The following TUSC3 variants were observed in gnomAD, a reference collection of about 807,000 sequenced individuals.
The protein encoded by TUSC3 is tumor suppressor candidate 3, also known as dolichyl-diphosphooligosaccharide--protein glycosyltransferase subunit TUSC3.
TUSC3 carries 45 observed loss-of-function variants against 44.8 expected under a neutral mutation model. The observed-to-expected ratio is 1.00, with a 90% CI of 0.79 to 1.29. The LOEUF (loss-of-function observed/expected upper bound fraction) is 1.29. TUSC3 is among the 50% of genes most tolerant of loss of function. The probability of loss-of-function intolerance (pLI) is 0.00; values close to 1 mark genes in which losing one functional copy is unlikely to be tolerated. For missense variants in TUSC3, 519 were observed against 437.9 expected (o/e 1.19, Z -1.65); for synonymous variants, 212 against 152.9 (o/e 1.39, Z -2.85).
chr8:15,539,744 T>C (rs895489785), upstream of TUSC3, among the ~76,000 whole-genome samples: 4 of 152,150 alleles, frequency 2.6e-5, no homozygotes, highest in Non-Finnish European at 1.5e-5. Context: ...TCTGTACTTA[T>C]GCACTCCATG....
At chr8:15,422,576 A>T (rs7827410) in intron 1 of TUSC3, among the ~76,000 whole-genome samples, 1 of 151,982 alleles carries the variant, frequency 6.6e-6, no homozygotes, top group African/African-American at 2.4e-5. Context: ...GGTAGATTTT[A>T]ACTGCCTTCA....
chr8:15,533,276 C>G (rs1801475421), intron 2 of TUSC3, among the ~76,000 whole-genome samples: 1 of 152,136 alleles, frequency 6.6e-6, no homozygotes, highest in Non-Finnish European at 1.5e-5. Context: ...TTATCAGCAG[C>G]ATGAAAATTG....
chr8:15,783,859 A>T, the TUSC3 span, among the ~76,000 whole-genome samples: 33 of 152,308 alleles, frequency 2.2e-4, no homozygotes, highest in African/African-American at 7.7e-4. Flanking sequence ...TGCAAATGGG[A>T]TTACGTGAAA....
intron 1 of TUSC3, among the ~76,000 whole-genome samples, chr8:15,478,343 G>T (rs1373084031): frequency 1.3e-5 from 2 of 152,072 alleles, no homozygotes; most frequent in African/African-American, 4.8e-5. Flanking sequence ...GTATACGTGT[G>T]CCATGGTAGT....
At chr8:15,641,061 A>G (rs947744451) in intron 2 of TUSC3, among the ~76,000 whole-genome samples, 1 of 152,126 alleles carries the variant, frequency 6.6e-6, no homozygotes, top group Non-Finnish European at 1.5e-5. Context: ...CTCTGTAGCT[A>G]TAGAAAAGCT....
At chr8:15,605,174 A>C (rs1010721899) in intron 1 of TUSC3, among the ~76,000 whole-genome samples, 1 of 151,922 alleles carries the variant, frequency 6.6e-6, no homozygotes, top group Non-Finnish European at 1.5e-5. Flanking sequence ...AAAGAGTAGA[A>C]TCAATCAATA....
intron 1 of TUSC3, among the ~76,000 whole-genome samples, chr8:15,572,804 G>C (rs1357669936): frequency 6.6e-6 from 1 of 152,110 alleles, no homozygotes; most frequent in Non-Finnish European, 1.5e-5. Flanking sequence ...GGGAATGGGT[G>C]GTTGGTGGAG....
At chr8:15,469,261 A>T (rs1486779166) in intron 1 of TUSC3, among the ~76,000 whole-genome samples, 1 of 152,236 alleles carries the variant, frequency 6.6e-6, no homozygotes. Flanking sequence ...CAAAAGACAC[A>T]TCTGATAAAG....
At chr8:15,693,109 A>G (rs56137335) in intron 6 of TUSC3, among the ~76,000 whole-genome samples, 19,528 of 151,984 alleles carry the variant, frequency 0.13, 1,451 homozygotes, top group East Asian at 0.21. Context: ...TCTTTATGCA[A>G]CTTGCTTCTT....
the TUSC3 span, among the ~76,000 whole-genome samples, chr8:15,795,903 G>A: frequency 6.6e-6 from 1 of 152,290 alleles, no homozygotes; most frequent in East Asian, 1.9e-4. Flanking sequence ...CCCCCAGAAT[G>A]CCACAGGGTC....
At chr8:15,618,379 T>C (rs1805090017) in intron 1 of TUSC3, among the ~76,000 whole-genome samples, 2 of 152,222 alleles carry the variant, frequency 1.3e-5, no homozygotes, top group South Asian at 4.1e-4. Context: ...AAAAATATTT[T>C]CTTTATATCC....
chr8:15,791,018 G>T, the TUSC3 span, among the ~76,000 whole-genome samples: 1 of 152,220 alleles, frequency 6.6e-6, no homozygotes, highest in Non-Finnish European at 1.5e-5. Context: ...GTATAGAAGA[G>T]ATTGCAGTAC....
At chr8:15,568,798 T>C (rs767466892) in intron 1 of TUSC3, among the ~76,000 whole-genome samples, 2 of 152,122 alleles carry the variant, frequency 1.3e-5, no homozygotes, top group Non-Finnish European at 2.9e-5. Context: ...TAAATTCTTA[T>C]TGGTATATTT....
At chr8:15,492,088 G>A (rs1002165036) in intron 2 of TUSC3, among the ~76,000 whole-genome samples, 2 of 152,018 alleles carry the variant, frequency 1.3e-5, no homozygotes, top group Admixed American at 1.3e-4. Flanking sequence ...TGACTTATTT[G>A]TAAACCATTT....
the TUSC3 span, among the ~76,000 whole-genome samples, chr8:15,783,796 G>C: frequency 1.3e-5 from 2 of 152,118 alleles, no homozygotes; most frequent in Non-Finnish European, 2.9e-5. Flanking sequence ...ATTGGTCTGG[G>C]CAGTAATTTC....
the TUSC3 span, among the ~76,000 whole-genome samples, chr8:15,844,165 G>A: frequency 4.1e-4 from 62 of 151,516 alleles, no homozygotes; most frequent in African/African-American, 1.5e-3. Context: ...ATGAAGGGAT[G>A]GCAAAAAAAA....
At chr8:15,576,709 CATT>C (rs1286474905) in intron 1 of TUSC3, among the ~76,000 whole-genome samples, 1 of 134,212 alleles carries the variant, frequency 7.5e-6, no homozygotes, top group East Asian at 2.3e-4. Context: ...TCCAGTCTAT[CATT>C]GTTGGACATT....
rs200527673 is a variant in TUSC3 at position 15,502,486 on chromosome 8, CTTGT to C, written n.189+19023_189+19026del. Among the ~76,000 whole-genome samples the C allele has an allele frequency of 2.3e-3, 347 of 152,026 alleles. 5 individuals are homozygous for C. The East Asian group carries it at 0.045, about 20-fold the overall frequency. The stretch of plus-strand genomic sequence containing the variant: ...TTCCCGGATCCAATATATATATTTT[CTTGT>C]TTGTTTGTTTGTTTGTTTGAGACGG... On this transcript the variant is annotated intron_variant and non_coding_transcript_variant, in intron 2 of 5. Coordinates refer to the TUSC3 transcript ENST00000503191.
At chr8:15,654,582 T>A (rs946609113) in intron 3 of TUSC3, among the ~76,000 whole-genome samples, 1 of 152,116 alleles carries the variant, frequency 6.6e-6, no homozygotes, top group Non-Finnish European at 1.5e-5. Context: ...AAAAGGTTTA[T>A]GAAAATAATA....
Sources: allele counts gnomAD v4.1 joint callset (sites outside exome capture counted in the v4.1 genomes callset), GRCh38; gene constraint gnomAD v4.1.1; transcripts MANE v1.5; gene names NCBI Gene and HGNC (gene_info 2026-07-23, HGNC 2026-07-21).